The following PECR variants were observed in gnomAD, a reference collection of about 807,000 sequenced individuals.
The protein encoded by PECR is peroxisomal trans-2-enoyl-CoA reductase.
PECR carries 30 observed loss-of-function variants against 35.3 expected under a neutral mutation model. The ratio of observed to expected loss-of-function variants is 0.85; its 90% CI spans 0.64 to 1.15. PECR has a LOEUF of 1.15. PECR is among the 50% of genes most tolerant of loss of function. The probability of loss-of-function intolerance (pLI) is 0.00; values close to 1 mark genes in which losing one functional copy is unlikely to be tolerated. For missense variants in PECR, 392 were observed against 370.8 expected (o/e 1.06, Z -0.47); for synonymous variants, 148 against 138.9 (o/e 1.07, Z -0.46).
At chr2:216,073,619 TTATTA>T (rs1296037478) in intron 1 of PECR, among the ~76,000 whole-genome samples, 1 of 152,006 alleles carries the variant, frequency 6.6e-6, no homozygotes, top group South Asian at 2.1e-4. Flanking sequence ...TCTTTTATTT[TTATTA>T]TATCTTTTGT....
intron 2 of PECR, 60 bp from the exon 3 acceptor site, chr2:216,065,537 C>T (rs750568435): frequency 8.0e-6 from 8 of 993,846 alleles, no homozygotes; most frequent in South Asian, 2.6e-5. Context: ...CTTGCTACCT[C>T]GCCTGATTGA....
intron 6 of PECR, among the ~76,000 whole-genome samples, chr2:216,044,288 G>T (rs901485306): frequency 6.6e-6 from 1 of 152,160 alleles, no homozygotes; most frequent in African/African-American, 2.4e-5. Context: ...GCTACATGAC[G>T]TCAAGAAGCC....
At chr2:216,051,421 T>C (rs1260264636) in intron 5 of PECR, 28 bp downstream of exon 5, 2 of 1,344,348 alleles carry the variant, frequency 1.5e-6, no homozygotes, top group South Asian at 1.2e-5. Context: ...AATTTGTCAA[T>C]AAATTTCAAT....
chr2:216,066,871 T>TA (rs1168107018), intron 1 of PECR, among the ~76,000 whole-genome samples: 3 of 151,800 alleles, frequency 2.0e-5, no homozygotes, highest in Non-Finnish European at 4.4e-5. Flanking sequence ...TCCTATGTCT[T>TA]AAAAAAAAGC....
At chr2:216,057,244 A>G (rs1324911625) in intron 4 of PECR, among the ~76,000 whole-genome samples, 2 of 152,164 alleles carry the variant, frequency 1.3e-5, no homozygotes, top group East Asian at 3.8e-4. Context: ...GCAGGTGTTT[A>G]GTTTGGTTTT....
intron 1 of PECR, among the ~76,000 whole-genome samples, chr2:216,077,549 T>G (rs1028876098): frequency 2.3e-4 from 35 of 151,616 alleles, no homozygotes; most frequent in African/African-American, 8.5e-4. Context: ...GGCTCACGCC[T>G]GTAATCCCAG....
intron 7 of PECR, 105 bp downstream of exon 7, chr2:216,043,799 A>G (rs976929942): frequency 1.4e-6 from 1 of 702,668 alleles, no homozygotes; most frequent in Non-Finnish European, 2.7e-6. Context: ...TTGATGTTCT[A>G]TAAGAGAGCA....
intron 1 of PECR, among the ~76,000 whole-genome samples, chr2:216,067,316 T>C (rs1695486753): frequency 6.6e-6 from 1 of 151,992 alleles, no homozygotes. Context: ...CTACCAAAAA[T>C]GGGCAGGGAG....
intron 3 of PECR, among the ~76,000 whole-genome samples, chr2:216,061,580 G>A (rs1465029356): frequency 6.6e-6 from 1 of 152,030 alleles, no homozygotes; most frequent in Non-Finnish European, 1.5e-5. Context: ...CATATATGAA[G>A]GGGTCTTGCC....
At chr2:216,081,491 A>T (rs1574424957) in intron 1 of PECR, 127 bp downstream of exon 1, 1 of 1,208,412 alleles carries the variant, frequency 8.3e-7, no homozygotes, top group African/African-American at 1.5e-5. Context: ...AATTTCGCCC[A>T]CACCTGCCCC....
chr2:216,062,266 G>A (rs529433396), intron 3 of PECR, among the ~76,000 whole-genome samples: 6 of 152,048 alleles, frequency 3.9e-5, no homozygotes, highest in Admixed American at 6.6e-5. Flanking sequence ...GGCTGGTTTC[G>A]AACTCCTGAC....
Position 216,043,831 on chromosome 2 carries a change from C to T in PECR, c.826+73G>A, listed in dbSNP as rs1281417557. 6 of 780,836 alleles carry T rather than the reference C, an allele frequency of 7.7e-6. No individual in the cohort carries two copies. In the African/African-American group the frequency reaches 8.4e-5, roughly 11 times the overall value. The allele number at this position is 780,836 out of a possible 1,614,324, so 48.4% of individuals were successfully genotyped here. The stretch of plus-strand genomic sequence containing the variant: ...AGCACCCTCATCTCTTAAGTAACTA[C>T]TTATAATAAATTTTAAACCCCTGAA... On this transcript the variant is annotated intron_variant, in intron 7 of 7. Transcript: ENST00000265322.
intron 3 of PECR, among the ~76,000 whole-genome samples, chr2:216,062,010 A>T (rs1695365075): frequency 6.6e-6 from 1 of 151,550 alleles, no homozygotes; most frequent in Non-Finnish European, 1.5e-5. Flanking sequence ...GGAGAGAGAG[A>T]GAAAGAGAGA....
At chr2:216,035,383 C>T (rs1694776968), downstream of PECR, among the ~76,000 whole-genome samples, 2 of 152,126 alleles carry the variant, frequency 1.3e-5, no homozygotes, top group African/African-American at 4.8e-5. Flanking sequence ...TAGCAAGTTC[C>T]ACCAGCAGAG....
chr2:216,059,141 C>T (rs933036451), intron 3 of PECR, among the ~76,000 whole-genome samples, 165 bp from the exon 4 acceptor site: 4 of 152,192 alleles, frequency 2.6e-5, no homozygotes, highest in Admixed American at 2.6e-4. Flanking sequence ...AATTCATCTA[C>T]TTTAAGTGTG....
chr2:216,077,604 G>A (rs912591997), intron 1 of PECR, among the ~76,000 whole-genome samples: 12 of 151,944 alleles, frequency 7.9e-5, no homozygotes, highest in African/African-American at 2.4e-4. Flanking sequence ...TCAAGAGTTC[G>A]AGACTAGCCT....
At chr2:216,053,975 G>C (rs564174486) in intron 4 of PECR, among the ~76,000 whole-genome samples, 15 of 152,176 alleles carry the variant, frequency 9.9e-5, no homozygotes, top group Admixed American at 2.0e-4. Context: ...ATGACCTTTA[G>C]ACTCTTATGA....
chr2:216,053,317 C>G (rs998816699), intron 4 of PECR, among the ~76,000 whole-genome samples: 3 of 152,054 alleles, frequency 2.0e-5, no homozygotes, highest in Non-Finnish European at 2.9e-5. Flanking sequence ...GATCTCGGCT[C>G]ACTGCAAGCT....
intron 6 of PECR, 26 bp from the exon 7 acceptor site, chr2:216,044,041 T>G (rs772568764): frequency 8.0e-7 from 1 of 1,243,700 alleles, no homozygotes. Context: ...CACATGTGCA[T>G]AGGTAAAAGC....
Sources: gnomAD v4.1 joint callset for allele counts (sites outside exome capture counted in the v4.1 genomes callset) on GRCh38, gnomAD v4.1.1 for gene constraint, MANE v1.5 for transcripts, NCBI Gene and HGNC (gene_info 2026-07-23, HGNC 2026-07-21) for gene names.